KBTBD11: variants seen among roughly 807,000 people sequenced by gnomAD.
The protein encoded by KBTBD11 is kelch repeat and BTB domain containing 11, also known as kelch repeat and BTB domain-containing protein 11.
For missense variants in KBTBD11, 1,390 were observed against 1,001.8 expected, an observed-to-expected ratio of 1.39 and a Z score of -5.23; for synonymous variants, 747 against 499.0, an observed-to-expected ratio of 1.50 and a Z score of -6.63.
In KBTBD11 at chr8:2,001,807, C is replaced by T; in HGVS notation, c.615C>T (p.Ala205=). ...RMAGVRPDNV[A]EVVAGARRLQ... ...CGGGCGTGCGGCCCGACAACGTGGC[C>T]GAGGTGGTGGCCGGCGCGCGCCGCC... Residue 205 remains alanine, a synonymous_variant, in exon 2 of 2, where the codon GCC becomes GCT. Coordinates refer to ENST00000320248, the MANE Select transcript of KBTBD11 (RefSeq NM_014867.3). 8.1e-7 allele frequency: 1 copy of T among 1,238,702 alleles called. No individual in the cohort carries two copies. 76.7% of individuals were successfully genotyped at this position (1,238,702 alleles called of 1,614,324 possible). A position where few individuals can be genotyped will look rare whatever the true frequency, so the allele number is the denominator to read the frequency against.
At chr8:1,986,715 G>A (rs1342986065) in intron 1 of KBTBD11, among the ~76,000 whole-genome samples, 1 of 152,076 alleles carries the variant, frequency 6.6e-6, no homozygotes, top group Non-Finnish European at 1.5e-5. Flanking sequence ...TTACTTAATT[G>A]ATAAATAATG....
intron 1 of KBTBD11, among the ~76,000 whole-genome samples, chr8:1,981,192 G>GTTT (rs1816529093): frequency 6.6e-6 from 1 of 152,182 alleles, no homozygotes; most frequent in South Asian, 2.1e-4. Context: ...ACCCAGAAAG[G>GTTT]CTGTCATTTA....
Position 1,973,741 on chromosome 8 carries a change from G to C in KBTBD11, c.-1103G>C. On this transcript the variant is annotated 5_prime_UTR_variant, in exon 1 of 2. Coordinates refer to ENST00000320248, the MANE Select transcript of KBTBD11 (RefSeq NM_014867.3). ...CTGGCTCCGCGCGGCCTGGAGAGGC[G>C]GAGAGGCCTGTCCACCGCCCCCTCT... The C allele has an allele frequency of 6.1e-6, 6 of 983,806 alleles. No homozygotes were observed. The highest frequency in any genetic ancestry group is 7.2e-6 in the Non-Finnish European group (6 of 829,342). 60.9% of individuals were successfully genotyped at this position (983,806 alleles called of 1,614,324 possible). A position where few individuals can be genotyped will look rare whatever the true frequency, so the allele number is the denominator to read the frequency against.
Position 1,989,935 on chromosome 8 carries a change from T to G in KBTBD11, c.-908-10350T>G, listed in dbSNP as rs1325951574. On this transcript the variant is annotated intron_variant, in intron 1 of 1. Coordinates refer to ENST00000320248, the MANE Select transcript of KBTBD11 (RefSeq NM_014867.3). ...GATGTCTCAGGTGGTTTTTTTTTTT[T>G]TTTTTTTTTTTTTTGAGGCCTCTTG... Among the ~76,000 whole-genome samples, 16 of 147,776 alleles carry G rather than the reference T, an allele frequency of 1.1e-4. 1 individual carries two copies. The highest frequency in any genetic ancestry group is 4.0e-4 in the African/African-American group (16 of 40,170).
intron 1 of KBTBD11, among the ~76,000 whole-genome samples, chr8:1,993,292 C>A (rs933489849): frequency 2.6e-5 from 4 of 151,980 alleles, no homozygotes; most frequent in Non-Finnish European, 5.9e-5. Flanking sequence ...GTTTTAGTTT[C>A]CCTAGCTAAC....
Position 2,001,251 on chromosome 8 carries a change from G to A in KBTBD11, c.59G>A (p.Gly20Glu), listed in dbSNP as rs772636760. The A allele has an allele frequency of 6.6e-7, 1 of 1,505,358 alleles. No individual in the cohort carries two copies. 93.3% of individuals were successfully genotyped at this position (1,505,358 alleles called of 1,614,324 possible). Residue 20 changes from glycine to glutamate, a missense_variant, in exon 2 of 2, where the codon GGG (glycine) becomes GAG (glutamate). By Grantham distance (98) the Gly-to-Glu change is moderately conservative (BLOSUM62 -2). Transcript: ENST00000320248. ...CCAGGGACTGAGCCCGGGGCTGCCGGGGAGAGCGAGAGCGAGGGCGCCGCG... is the reference window on the plus strand; with the variant it reads ...CCAGGGACTGAGCCCGGGGCTGCCGAGGAGAGCGAGAGCGAGGGCGCCGCG... ...LYPGTEPGAA[G>E]ESESEGAASP...
intron 1 of KBTBD11, among the ~76,000 whole-genome samples, chr8:1,999,285 T>C (rs1817257388): frequency 6.6e-6 from 1 of 152,220 alleles, no homozygotes; most frequent in Non-Finnish European, 1.5e-5. Context: ...AGTAACCAGG[T>C]AATGCTATTG....
At chr8:1,996,376 C>G (rs1817138424) in intron 1 of KBTBD11, among the ~76,000 whole-genome samples, 1 of 152,134 alleles carries the variant, frequency 6.6e-6, no homozygotes, top group Admixed American at 6.5e-5. Context: ...AGGTGATTCT[C>G]CTGCCTCAGC....
chr8:2,003,996 C>T lies in KBTBD11; in HGVS notation c.*932C>T, dbSNP rs750933988. The T allele has an allele frequency of 4.2e-5, 7 of 166,712 alleles. No homozygotes were observed. The highest frequency in any genetic ancestry group is 4.1e-4 in the South Asian group (2 of 4,822). 10.3% of individuals were successfully genotyped at this position (166,712 alleles called of 1,614,324 possible). A position where few individuals can be genotyped will look rare whatever the true frequency, so the allele number is the denominator to read the frequency against. ...AGCGGGGAAAATCATTTTGCTTTGA[C>T]AGTTCTATAAAAAAAAGTGTAGGCA... On this transcript the variant is annotated 3_prime_UTR_variant, in exon 2 of 2. Coordinates refer to ENST00000320248, the MANE Select transcript of KBTBD11 (RefSeq NM_014867.3).
intron 1 of KBTBD11, among the ~76,000 whole-genome samples, chr8:1,978,456 C>T (rs748501334): frequency 2.6e-4 from 39 of 152,324 alleles, no homozygotes; most frequent in Non-Finnish European, 4.1e-4. Flanking sequence ...AGGGGCCCCT[C>T]GGGGACCTTC....
At chr8:1,996,271 G>C (rs1420448658) in intron 1 of KBTBD11, among the ~76,000 whole-genome samples, 1 of 152,048 alleles carries the variant, frequency 6.6e-6, no homozygotes, top group Non-Finnish European at 1.5e-5. Context: ...ACGCTGGAAG[G>C]AATTTTTTTT....
At chr8:1,987,319 T>C (rs1816737565) in intron 1 of KBTBD11, among the ~76,000 whole-genome samples, 2 of 152,218 alleles carry the variant, frequency 1.3e-5, no homozygotes, top group African/African-American at 2.4e-5. Flanking sequence ...CGTTGAGACA[T>C]GCAGATCTAG....
chr8:1,991,206 G>T (rs1489180224), intron 1 of KBTBD11, among the ~76,000 whole-genome samples: 2 of 152,252 alleles, frequency 1.3e-5, no homozygotes, highest in Non-Finnish European at 2.9e-5. Context: ...GTCCTTGGGA[G>T]GCACTCCTCC....
chr8:2,001,169 G>GGCGCA lies in KBTBD11; in HGVS notation c.-16_-12dup, dbSNP rs887296411. The GGCGCA allele has an allele frequency of 1.2e-5, 15 of 1,298,780 alleles. No individual in the cohort carries two copies. Among genetic ancestry groups the GGCGCA allele is most frequent in the East Asian group, 3.1e-5 (1 of 31,906 alleles). 80.5% of individuals were successfully genotyped at this position (1,298,780 alleles called of 1,614,324 possible). On this transcript the variant is annotated 5_prime_UTR_variant, in exon 2 of 2. Transcript: ENST00000320248. ...CAGGCTGCGGAACCGGGGGCGCGCGGGCGCAGCGCAGCACAGCCCGGCCAT... is the reference window on the plus strand; with the variant it reads ...CAGGCTGCGGAACCGGGGGCGCGCGGGCGCAGCGCAGCGCAGCACAGCCCGGCCAT...
At position 2,001,772 on chromosome 8, in the gene KBTBD11, G is replaced by T. The variant is rs750316910; in HGVS notation, c.580G>T (p.Gly194Trp). 1.6e-6 allele frequency: 2 copies of T among 1,283,538 alleles called. No homozygotes were observed. The highest frequency in any genetic ancestry group is 9.8e-7 in the Non-Finnish European group (1 of 1,018,182). The allele number at this position is 1,283,538 out of a possible 1,614,324, so 79.5% of individuals were successfully genotyped here. A position where few individuals can be genotyped will look rare whatever the true frequency, so the allele number is the denominator to read the frequency against. The change falls in exon 2 of 2, where the codon GGG (glycine) becomes TGG (tryptophan). Residue 194 changes from glycine to tryptophan, a missense_variant. Gly to Trp is a radical substitution (Grantham distance 184). Transcript: ENST00000320248. Reference sequence around the variant, plus strand: ...GCTGCTCCTCGCCGACGCCTACAGCGGGCGCATGGCGGGCGTGCGGCCCGA... The same window carrying T: ...GCTGCTCCTCGCCGACGCCTACAGCTGGCGCATGGCGGGCGTGCGGCCCGA... Reference protein sequence around the residue: ...LRLLLADAYSGRMAGVRPDNV... With the variant: ...LRLLLADAYSWRMAGVRPDNV...
In KBTBD11 at chr8:1,984,279, GTT is replaced by G. The variant is rs71211539; in HGVS notation, c.-909+10370_-909+10371del. On this transcript the variant is annotated intron_variant, in intron 1 of 1. Transcript: ENST00000320248. Reference sequence around the variant, plus strand: ...ATAGTGAGACCCCATCTCTAAAAAAGTTTTTTTTTTTTTTTTTTTTTTTTTTT... The same window carrying G: ...ATAGTGAGACCCCATCTCTAAAAAAGTTTTTTTTTTTTTTTTTTTTTTTTT... 6.1e-3 allele frequency among the ~76,000 whole-genome samples: 601 copies of G among 98,484 alleles called. 1 individual carries two copies. The highest frequency in any genetic ancestry group is 0.026 in the African/African-American group (571 of 22,050). 64.6% of individuals were successfully genotyped at this position (98,484 alleles called of 152,430 possible).
chr8:2,003,298 C>T lies in KBTBD11; in HGVS notation c.*234C>T, dbSNP rs1408231097. ...GACCCAGGAGGTGTGCGGATGGGTC[C>T]CTTGACAGACAGGACACAGAGAAGG... On this transcript the variant is annotated 3_prime_UTR_variant, in exon 2 of 2. Coordinates refer to ENST00000320248, the MANE Select transcript of KBTBD11 (RefSeq NM_014867.3). 2.0e-6 allele frequency: 1 copy of T among 503,044 alleles called. No homozygotes were observed. Among genetic ancestry groups the T allele is most frequent in the Non-Finnish European group, 3.1e-6 (1 of 319,418 alleles). The allele number at this position is 503,044 out of a possible 1,614,324, so 31.2% of individuals were successfully genotyped here. A position where few individuals can be genotyped will look rare whatever the true frequency, so the allele number is the denominator to read the frequency against.
rs1817532706 is a variant in KBTBD11 at position 2,005,132 on chromosome 8, G to A, written c.*2068G>A. ...TGGATGGGGGTGGTTGCACAGTCCT[G>A]TGCGGTTCCCATGGCTTTCCAGCGT... On this transcript the variant is annotated 3_prime_UTR_variant, in exon 2 of 2. Coordinates refer to ENST00000320248, the MANE Select transcript of KBTBD11 (RefSeq NM_014867.3). 1 of 167,112 alleles carries A rather than the reference G, an allele frequency of 6.0e-6. No individual in the cohort carries two copies. The highest frequency in any genetic ancestry group is 6.5e-5 in the Admixed American group (1 of 15,292). 10.4% of individuals were successfully genotyped at this position (167,112 alleles called of 1,614,324 possible). A position where few individuals can be genotyped will look rare whatever the true frequency, so the allele number is the denominator to read the frequency against.
intron 1 of KBTBD11, among the ~76,000 whole-genome samples, chr8:1,998,425 T>G (rs1455134069): frequency 6.6e-6 from 1 of 152,240 alleles, no homozygotes; most frequent in Non-Finnish European, 1.5e-5. Context: ...ACTGATTTCA[T>G]AGGACTTTGC....
Sources: allele counts gnomAD v4.1 joint callset (sites outside exome capture counted in the v4.1 genomes callset), GRCh38; gene constraint gnomAD v4.1.1; transcripts MANE v1.5; gene names NCBI Gene and HGNC (gene_info 2026-07-23, HGNC 2026-07-21).